SLC26A8: variants seen among roughly 807,000 people sequenced by gnomAD.
The protein encoded by SLC26A8 is testis anion transporter 1.
In SLC26A8, 70 loss-of-function variants were observed where a neutral mutation model predicts 105.0. The ratio of observed to expected loss-of-function variants is 0.67; its 90% CI spans 0.55 to 0.81. The LOEUF is 0.81. Among genes scored for constraint, SLC26A8 ranks in the 40% least tolerant of loss-of-function variants. SLC26A8 has a pLI of 0.00. For synonymous variants in SLC26A8, 415 were observed against 438.3 expected (o/e 0.95, Z 0.66); for missense variants, 998 against 1,181.8 (o/e 0.84, Z 2.28).
At chr6:35,974,957 C>T (rs926932238) in intron 10 of SLC26A8, among the ~76,000 whole-genome samples, 12 of 150,950 alleles carry the variant, frequency 7.9e-5, no homozygotes, top group Non-Finnish European at 1.5e-4. Context: ...GGGGTTTTAC[C>T]ATGTTAGCCA....
At position 35,943,849 on chromosome 6, in the gene SLC26A8, G is replaced by A; in HGVS notation, c.*51C>T. The A allele has an allele frequency of 6.3e-7, 1 of 1,576,334 alleles. No individual in the cohort carries two copies. The highest frequency in any genetic ancestry group is 8.6e-7 in the Non-Finnish European group (1 of 1,160,816). ...GTCTCTGGACAATTGACCCCTTTTT[G>A]GGTAGGAGGATTTGCCAGCATTATC... On this transcript the variant is annotated 3_prime_UTR_variant, in exon 20 of 20. Transcript: ENST00000490799.
intron 16 of SLC26A8, among the ~76,000 whole-genome samples, chr6:35,955,802 C>T (rs1581628236): frequency 6.6e-6 from 1 of 152,264 alleles, no homozygotes; most frequent in South Asian, 2.1e-4. Context: ...ACATCTTTTA[C>T]TCCTTTTCCT....
chr6:35,955,632 C>T, intron 16 of SLC26A8, 112 bp from the exon 17 acceptor site: 1 of 1,380,180 alleles, frequency 7.2e-7, no homozygotes, highest in Non-Finnish European at 9.9e-7. Context: ...TCTCATGAAA[C>T]TTCTCCCGAG....
chr6:36,000,631 G>A (rs1316366800), intron 3 of SLC26A8, among the ~76,000 whole-genome samples: 2 of 152,194 alleles, frequency 1.3e-5, no homozygotes, highest in African/African-American at 2.4e-5. Flanking sequence ...GAAGCACCAT[G>A]AGAATTTGGA....
At chr6:35,983,158 C>T (rs548224159) in intron 7 of SLC26A8, among the ~76,000 whole-genome samples, 1 of 152,276 alleles carries the variant, frequency 6.6e-6, no homozygotes, top group Non-Finnish European at 1.5e-5. Flanking sequence ...ACCTGTGATA[C>T]TGTTATCAGA....
intron 3 of SLC26A8, among the ~76,000 whole-genome samples, chr6:36,011,394 T>C (rs1156288569): frequency 1.3e-5 from 2 of 152,230 alleles, no homozygotes; most frequent in Non-Finnish European, 2.9e-5. Context: ...GACTTGCCCA[T>C]TGTGGGACTC....
At chr6:36,020,801 T>G (rs1278459541) in intron 1 of SLC26A8, among the ~76,000 whole-genome samples, 1 of 152,214 alleles carries the variant, frequency 6.6e-6, no homozygotes, top group Non-Finnish European at 1.5e-5. Flanking sequence ...AAAGCATATG[T>G]ATAAACCACA....
At position 36,012,388 on chromosome 6, in the gene SLC26A8, G is replaced by T; in HGVS notation, c.189-16C>A. The T allele has an allele frequency of 6.4e-7, 1 of 1,555,778 alleles. No individual in the cohort carries two copies. The highest frequency in any genetic ancestry group is 8.6e-7 in the Non-Finnish European group (1 of 1,158,048). On this transcript the variant is annotated splice_polypyrimidine_tract_variant and intron_variant, in intron 2 of 19. Coordinates refer to ENST00000490799, the MANE Select transcript of SLC26A8 (RefSeq NM_052961.4). ...CCATGAGCAGCTGTGAGAGAGAGGAGCAGAGACTTGGTTAGTTTCTCCAAA... is the reference window on the plus strand; with the variant it reads ...CCATGAGCAGCTGTGAGAGAGAGGATCAGAGACTTGGTTAGTTTCTCCAAA...
At position 35,960,838 on chromosome 6, in the gene SLC26A8, C is replaced by G. The variant is rs1266888348; in HGVS notation, c.1638+5G>C. 1 of 1,613,922 alleles carries G rather than the reference C, an allele frequency of 6.2e-7. No individual in the cohort carries two copies. The highest frequency in any genetic ancestry group is 2.2e-5 in the East Asian group (1 of 44,898). The stretch of plus-strand genomic sequence containing the variant: ...CAGAGAAATGGGACCCATTTGGATT[C>G]TTACCTCCCGATAATCATTGATGCT... On this transcript the variant is annotated splice_donor_5th_base_variant and intron_variant, in intron 14 of 19. Transcript: ENST00000490799.
chr6:35,960,673 A>T lies in SLC26A8; in HGVS notation c.1638+170T>A, dbSNP rs1035438860. 2.9e-5 allele frequency: 20 copies of T among 678,296 alleles called. No homozygotes were observed. The African/African-American group carries it at 3.3e-4, about 11-fold the overall frequency. The allele number at this position is 678,296 out of a possible 1,614,324, so 42.0% of individuals were successfully genotyped here. ...GCAAGACTCTGTCTCCAAAAAAAAA[A>T]ATAAAAACAAAGAACCCATCTCTAC... On this transcript the variant is annotated intron_variant, in intron 14 of 19. Transcript: ENST00000490799.
chr6:35,992,756 G>A (rs536554006), intron 5 of SLC26A8, 82 bp from the exon 6 acceptor site: 15 of 1,417,968 alleles, frequency 1.1e-5, no homozygotes, highest in South Asian at 1.0e-4. Flanking sequence ...GGAAAAGAAG[G>A]GTTTCCAATA....
At position 35,977,446 on chromosome 6, in the gene SLC26A8, T is replaced by C. The variant is rs1430298830; in HGVS notation, c.1026-95A>G. 22 of 1,268,806 alleles carry C rather than the reference T, an allele frequency of 1.7e-5. No individual in the cohort carries two copies. The South Asian group carries it at 2.2e-4, about 13-fold the overall frequency. 78.6% of individuals were successfully genotyped at this position (1,268,806 alleles called of 1,614,324 possible). A position where few individuals can be genotyped will look rare whatever the true frequency, so the allele number is the denominator to read the frequency against. On this transcript the variant is annotated intron_variant, in intron 8 of 19. Transcript: ENST00000490799. Reference sequence around the variant, plus strand: ...TAACACTGGGCTGTCCTGATTCTTTTTTTTTTTTTTTTAATAACAATAGGG... The same window carrying C: ...TAACACTGGGCTGTCCTGATTCTTTCTTTTTTTTTTTTAATAACAATAGGG...
In SLC26A8 at chr6:35,997,838, G is replaced by T; in HGVS notation, c.527C>A (p.Ser176Tyr). The T allele has an allele frequency of 6.2e-7, 1 of 1,614,136 alleles. No individual in the cohort carries two copies. The highest frequency in any genetic ancestry group is 8.5e-7 in the Non-Finnish European group (1 of 1,180,016). Residue 176 changes from serine to tyrosine, a missense_variant, in exon 5 of 20, where the codon TCT (serine) becomes TAT (tyrosine). Transcript: ENST00000490799. ...PFNNGQLVMG[S>Y]FVKNEFSAPS... ...GGCCGAAAACTCATTCTTGACGAAA[G>T]ATCCCATGACCAGTTGACCGTTGTT...
intron 3 of SLC26A8, among the ~76,000 whole-genome samples, chr6:36,005,842 T>C (rs1761669943): frequency 1.3e-5 from 2 of 152,228 alleles, no homozygotes; most frequent in African/African-American, 4.8e-5. Context: ...ATTACTGTAG[T>C]GTTTTCATGA....
intron 9 of SLC26A8, among the ~76,000 whole-genome samples, chr6:35,976,113 T>C (rs920617275): frequency 6.6e-5 from 10 of 151,876 alleles, no homozygotes; most frequent in Non-Finnish European, 1.3e-4. Flanking sequence ...CTATTCTCCC[T>C]GCCTTATGTG....
chr6:35,956,718 G>A (rs1247667311), intron 16 of SLC26A8, among the ~76,000 whole-genome samples: 6 of 152,070 alleles, frequency 3.9e-5, no homozygotes, highest in African/African-American at 7.2e-5. Flanking sequence ...TCAGGAGTTC[G>A]AGACCAGCCT....
rs772905469 is a variant in SLC26A8, at chr6:35,992,511, T to C, written c.791A>G (p.Tyr264Cys). The C allele has an allele frequency of 4.3e-6, 7 of 1,609,692 alleles. No individual in the cohort carries two copies. In the African/African-American group the frequency reaches 6.7e-5, roughly 15 times the overall value. ...TGGGTAAGAGTTGAAATTACTCACA[T>C]AGAAGAAGGAGATGGGACCGGCATG... ...SFHAGPISFF[Y>C]DIINYCVALP... The change falls in exon 6 of 20, where the codon TAT becomes TGT. Residue 264 changes from tyrosine (Y) to cysteine (C), a missense_variant and splice_region_variant. Transcript: ENST00000490799.
intron 2 of SLC26A8, among the ~76,000 whole-genome samples, chr6:36,019,138 T>C (rs1762065820): frequency 6.6e-6 from 1 of 152,044 alleles, no homozygotes. Context: ...GTTGCCCAGG[T>C]TGGTCTCAAA....
chr6:35,977,108 G>T (rs2127324453), intron 9 of SLC26A8, 96 bp downstream of exon 9: 3 of 1,337,474 alleles, frequency 2.2e-6, no homozygotes, highest in African/African-American at 3.0e-5. Flanking sequence ...GGTCCAAGTG[G>T]CTCTTCAGTT....
Sources: allele counts gnomAD v4.1 joint callset (sites outside exome capture counted in the v4.1 genomes callset), GRCh38; gene constraint gnomAD v4.1.1; transcripts MANE v1.5; gene names NCBI Gene and HGNC (gene_info 2026-07-23, HGNC 2026-07-21).